The following CAPN8 variants were observed in gnomAD, a reference collection of about 807,000 sequenced individuals.
CAPN8 encodes the protein calpain 8, also known as calpain-8.
A neutral mutation model predicts 80.9 loss-of-function variants in CAPN8; 87 were observed. That is an observed-to-expected ratio of 1.07 (90% CI 0.90 to 1.28). CAPN8 has a LOEUF of 1.28. CAPN8 is among the 50% of genes most tolerant of loss of function. The pLI is 0.00. For missense variants in CAPN8, 757 were observed against 702.0 expected, an observed-to-expected ratio of 1.08 and a Z score of -0.89; for synonymous variants, 299 against 273.8, an observed-to-expected ratio of 1.09 and a Z score of -0.91.
rs1260957246 is a variant in CAPN8, at chr1:223,541,825, G to A, written c.*11C>T. 24 of 1,551,326 alleles carry A rather than the reference G, an allele frequency of 1.5e-5. No homozygotes were observed. The highest frequency in any genetic ancestry group is 1.7e-4 in the Middle Eastern group (1 of 5,970). On this transcript the variant is annotated 3_prime_UTR_variant, in exon 21 of 21. Coordinates refer to ENST00000366872, the MANE Select transcript of CAPN8 (RefSeq NM_001143962.2). ...GGGGCAGGGAGTGTCACTGATGTCC[G>A]AAACCCCGGGTCAGACCAACACGCA...
intron 2 of CAPN8, among the ~76,000 whole-genome samples, chr1:223,629,550 G>A (rs1657714438): frequency 6.6e-6 from 1 of 152,194 alleles, no homozygotes; most frequent in Non-Finnish European, 1.5e-5. Flanking sequence ...ACTTCCCTGG[G>A]AGGCATCGTT....
intron 15 of CAPN8, 99 bp from the exon 16 acceptor site, chr1:223,549,481 G>T (rs745995244): frequency 6.3e-5 from 96 of 1,526,484 alleles, no homozygotes; most frequent in Middle Eastern, 1.7e-4. Context: ...CCATCCAAGG[G>T]TGTGGAACCG....
At chr1:223,547,791 G>A (rs1656664596) in intron 16 of CAPN8, among the ~76,000 whole-genome samples, 2 of 152,120 alleles carry the variant, frequency 1.3e-5, no homozygotes, top group Admixed American at 1.3e-4. Flanking sequence ...ATAAAGAGTG[G>A]GTAGATTACA....
At chr1:223,655,085 G>T (rs1444644123) in intron 1 of CAPN8, among the ~76,000 whole-genome samples, 1 of 151,924 alleles carries the variant, frequency 6.6e-6, no homozygotes, top group Non-Finnish European at 1.5e-5. Context: ...AAAGGCAAAG[G>T]CTGAGATAAT....
Position 223,641,585 on chromosome 1 carries a change from T to G in CAPN8, c.307+12745A>C, listed in dbSNP as rs577380070. Reference sequence around the variant, plus strand: ...TTGCCCTTAGGAATAAAGTCCAGAATTCTTCACACAGTGCCAGAGCCCTGC... The same window carrying G: ...TTGCCCTTAGGAATAAAGTCCAGAAGTCTTCACACAGTGCCAGAGCCCTGC... On this transcript the variant is annotated intron_variant, in intron 2 of 20. Transcript: ENST00000366872. Among the ~76,000 whole-genome samples the G allele has an allele frequency of 9.9e-4, 151 of 152,282 alleles. 1 individual carries two copies. Among genetic ancestry groups the G allele is most frequent in the Non-Finnish European group, 1.8e-3 (122 of 68,018 alleles).
chr1:223,557,398 T>A (rs914808667), intron 13 of CAPN8, among the ~76,000 whole-genome samples: 2 of 149,188 alleles, frequency 1.3e-5, no homozygotes, highest in African/African-American at 4.9e-5. Context: ...GACGGAGGGG[T>A]AGAAGCTGGG....
At chr1:223,656,637 A>G (rs1658496004) in intron 1 of CAPN8, among the ~76,000 whole-genome samples, 2 of 151,282 alleles carry the variant, frequency 1.3e-5, no homozygotes, top group Admixed American at 1.3e-4. Context: ...TCTGATATGA[A>G]AGCATATTTA....
At chr1:223,643,627 C>A (rs1021506670) in intron 2 of CAPN8, among the ~76,000 whole-genome samples, 1 of 152,232 alleles carries the variant, frequency 6.6e-6, no homozygotes, top group Non-Finnish European at 1.5e-5. Context: ...GTGGGCAGGG[C>A]AACTGCAGAG....
intron 2 of CAPN8, among the ~76,000 whole-genome samples, chr1:223,632,340 A>G (rs1007687696): frequency 3.9e-5 from 6 of 152,018 alleles, no homozygotes; most frequent in Non-Finnish European, 8.8e-5. Flanking sequence ...ACTGCCAGCA[A>G]AAAAACAGCT....
chr1:223,555,966 A>C (rs1469704764), intron 13 of CAPN8, among the ~76,000 whole-genome samples: 1 of 152,212 alleles, frequency 6.6e-6, no homozygotes, highest in Non-Finnish European at 1.5e-5. Context: ...GGAATTTTCT[A>C]TTTCCCTGAT....
intron 6 of CAPN8, among the ~76,000 whole-genome samples, chr1:223,625,211 C>CT (rs551231672): frequency 1.5e-3 from 227 of 152,346 alleles, no homozygotes; most frequent in African/African-American, 5.1e-3. Flanking sequence ...ACCCTAAAAG[C>CT]TGGGACTACT....
At position 223,646,580 on chromosome 1, in the gene CAPN8, A is replaced by G. The variant is rs1658198144; in HGVS notation, c.307+7750T>C. ...TGAGCCTTGGGGACTGGGACATTGCATTACTGATGCTTGAGCAACCGCGTT... is the reference window on the plus strand; with the variant it reads ...TGAGCCTTGGGGACTGGGACATTGCGTTACTGATGCTTGAGCAACCGCGTT... On this transcript the variant is annotated intron_variant, in intron 2 of 20. Coordinates refer to ENST00000366872, the MANE Select transcript of CAPN8 (RefSeq NM_001143962.2). Among the ~76,000 whole-genome samples the G allele has an allele frequency of 3.3e-5, 5 of 152,318 alleles. 1 individual carries two copies. In the South Asian group the frequency reaches 1.0e-3, roughly 32 times the overall value.
At chr1:223,556,185 A>G (rs1656903822) in intron 13 of CAPN8, among the ~76,000 whole-genome samples, 2 of 152,102 alleles carry the variant, frequency 1.3e-5, no homozygotes, top group Admixed American at 6.5e-5. Flanking sequence ...TGAATGTCCA[A>G]CTGTCCGTGA....
intron 9 of CAPN8, chr1:223,617,859 A>G (rs990168941): frequency 1.1e-5 from 2 of 180,688 alleles, no homozygotes; most frequent in Non-Finnish European, 2.3e-5. Context: ...TGCCCTTCCC[A>G]GAGTCTAAAT....
intron 2 of CAPN8, among the ~76,000 whole-genome samples, chr1:223,648,651 T>C (rs960451078): frequency 6.6e-6 from 1 of 152,194 alleles, no homozygotes; most frequent in Non-Finnish European, 1.5e-5. Flanking sequence ...TGGATTTAGG[T>C]TGTTGCTGTT....
chr1:223,547,917 A>T (rs1485055175), intron 16 of CAPN8, among the ~76,000 whole-genome samples: 1 of 152,230 alleles, frequency 6.6e-6, no homozygotes, highest in Non-Finnish European at 1.5e-5. Context: ...CTTGCAGTCC[A>T]CAAATTAAAT....
chr1:223,554,438 G>A (rs36193454), intron 13 of CAPN8, among the ~76,000 whole-genome samples: 95,169 of 151,826 alleles, frequency 0.63, 30,965 homozygotes, highest in Non-Finnish European at 0.72. Context: ...TGGGCAACAC[G>A]GTGAAACCCC....
chr1:223,660,523 G>A (rs934941205), intron 1 of CAPN8, among the ~76,000 whole-genome samples: 2 of 152,196 alleles, frequency 1.3e-5, no homozygotes, highest in African/African-American at 4.8e-5. Context: ...CTTCCTCTGG[G>A]CAAACTTGTC....
At chr1:223,659,862 C>T (rs2102740212) in intron 1 of CAPN8, among the ~76,000 whole-genome samples, 1 of 152,276 alleles carries the variant, frequency 6.6e-6, no homozygotes, top group South Asian at 2.1e-4. Flanking sequence ...CAGAGGGGAC[C>T]AGAAACCTGA....
Sources: allele counts gnomAD v4.1 joint callset (sites outside exome capture counted in the v4.1 genomes callset), GRCh38; gene constraint gnomAD v4.1.1; transcripts MANE v1.5; gene names NCBI Gene and HGNC (gene_info 2026-07-23, HGNC 2026-07-21).